Variants in CADM4 observed in about 807,000 individuals in gnomAD.
The protein encoded by CADM4 is cell adhesion molecule 4, also known as TSLC1-like 2.
In CADM4, 13 loss-of-function variants were observed where a neutral mutation model predicts 43.9. The observed-to-expected ratio is 0.30, with a 90% confidence interval of 0.19 to 0.47. CADM4 has a LOEUF of 0.47. Ranked by LOEUF, CADM4 falls within the 20% of genes least tolerant of loss-of-function variation. CADM4 has a pLI of 1.00. For missense variants in CADM4, 420 were observed against 527.0 expected (o/e 0.80, Z 1.99); for synonymous variants, 209 against 220.9 (o/e 0.95, Z 0.48).
upstream of CADM4, among the ~76,000 whole-genome samples, chr19:43,640,419 A>G (rs544479092): frequency 3.3e-5 from 5 of 150,244 alleles, no homozygotes; most frequent in African/African-American, 1.2e-4. Flanking sequence ...CTGCAGCTGG[A>G]GGTCCGGAGG....
chr19:43,623,885 G>A lies in CADM4; in HGVS notation c.1057+229C>T, dbSNP rs1223092527. ...CAACGTGCTGGGATTACAGGCGTGA[G>A]CCACCGCGCCCAACCGCAAATCTAT... On this transcript the variant is annotated intron_variant, in intron 8 of 8. Transcript: ENST00000222374. The surrounding 1 kb of genome is among the most constrained non-coding windows in gnomAD (Gnocchi z 4.4). 2.0e-5 allele frequency among the ~76,000 whole-genome samples: 3 copies of A among 152,178 alleles called. No individual in the cohort carries two copies. The highest frequency in any genetic ancestry group is 7.2e-5 in the African/African-American group (3 of 41,442).
At position 43,639,843 on chromosome 19, in the gene CADM4, C is replaced by A. The variant is rs1973752788; in HGVS notation, c.-53G>T. 1 of 977,814 alleles carries A rather than the reference C, an allele frequency of 1.0e-6. No individual in the cohort carries two copies. Among genetic ancestry groups the A allele is most frequent in the Admixed American group, 6.4e-5 (1 of 15,628 alleles). The allele number at this position is 977,814 out of a possible 1,614,324, so 60.6% of individuals were successfully genotyped here. ...CGCTCCCGGCCCGGCACCTGCACCG[C>A]CCGCGCCGCCCGCCCCGCCCCCCGC... On this transcript the variant is annotated 5_prime_UTR_variant, in exon 1 of 9. Transcript: ENST00000222374.
intron 1 of CADM4, among the ~76,000 whole-genome samples, chr19:43,628,153 C>G (rs561084332): frequency 6.6e-6 from 1 of 151,844 alleles, no homozygotes; most frequent in East Asian, 1.9e-4. Context: ...AGGCTGAGCG[C>G]GGTGGCTCAT....
chr19:43,627,726 G>A lies in CADM4; in HGVS notation c.129C>T (p.Thr43=), dbSNP rs756845274. Residue 43 remains threonine, a synonymous_variant, in exon 2 of 9, where the codon ACC becomes ACT. Transcript: ENST00000222374. This position sits in a 1 kb window ranked among gnomAD's most constrained non-coding sequence, Gnocchi z 4.0. ...TVAEGGVAEI[T]CRLHQYDGSI... ...ACCCATCATACTGGTGCAGACGGCA[G>A]GTGATCTCAGCCACCCCACCCTCAG... The A allele has an allele frequency of 1.6e-5, 26 of 1,614,000 alleles. No homozygotes were observed. The highest frequency in any genetic ancestry group is 4.5e-5 in the East Asian group (2 of 44,894).
intron 1 of CADM4, among the ~76,000 whole-genome samples, chr19:43,639,138 G>A (rs1973738428): frequency 6.6e-6 from 1 of 151,820 alleles, no homozygotes; most frequent in Non-Finnish European, 1.5e-5. Flanking sequence ...ACAGAGACAG[G>A]GACCAAGAAT....
In CADM4 at chr19:43,627,830, G is replaced by GT. The variant is rs1426426773; in HGVS notation, c.65-41_65-40insA. The GT allele has an allele frequency of 3.8e-6, 6 of 1,575,964 alleles. No individual in the cohort carries two copies. The South Asian group carries it at 6.7e-5, about 18-fold the overall frequency. On this transcript the variant is annotated intron_variant, in intron 1 of 8. Transcript: ENST00000222374. The surrounding 1 kb of genome is among the most constrained non-coding windows in gnomAD (Gnocchi z 4.0). ...AAAGAGACAGGATAGAAGACTTACT[G>GT]AGAGCTGCAATTCAATTTTTTCTTT... is the stretch of plus-strand genomic sequence containing the variant.
At position 43,626,083 on chromosome 19, in the gene CADM4, G is replaced by A; in HGVS notation, c.664+41C>T. 6.2e-7 allele frequency: 1 copy of A among 1,612,000 alleles called. No homozygotes were observed. Among genetic ancestry groups the A allele is most frequent in the Non-Finnish European group, 8.5e-7 (1 of 1,178,828 alleles). On this transcript the variant is annotated intron_variant, in intron 5 of 8. Coordinates refer to ENST00000222374, the MANE Select transcript of CADM4 (RefSeq NM_145296.2). The surrounding 1 kb of genome is among the most constrained non-coding windows in gnomAD (Gnocchi z 5.9). ...GGGACCCTCGCGGGTGCGGGTGGCT[G>A]GCGTTGGGATCCCTTGGGTCCTGGC...
rs1187258020 is a variant in CADM4 at position 43,626,286 on chromosome 19, C to T, written c.502G>A (p.Val168Met). ...TTGCCATTTTCCTGGCTGCTGCTCA[C>T]TCCTGCCACACCCCGGTCAGACACT... is the stretch of plus-strand genomic sequence containing the variant. Reference protein sequence around the residue: ...WYRDRKELKGVSSSQENGKVW... With the variant: ...WYRDRKELKGMSSSQENGKVW... The change falls in exon 5 of 9, where the codon GTG becomes ATG. Residue 168 changes from valine (V) to methionine (M), a missense_variant and splice_region_variant. Physicochemically the swap from Val to Met is conservative, Grantham distance 21. Transcript: ENST00000222374. The surrounding 1 kb of genome is among the most constrained non-coding windows in gnomAD (Gnocchi z 5.9). The T allele has an allele frequency of 1.2e-6, 2 of 1,610,516 alleles. No homozygotes were observed. The highest frequency in any genetic ancestry group is 1.7e-6 in the Non-Finnish European group (2 of 1,179,830).
Position 43,626,775 on chromosome 19 carries a change from C to A in CADM4, c.499+9G>T. The stretch of plus-strand genomic sequence containing the variant: ...TCCCCATCCCTTGTCAGCACTCGGC[C>A]CAGGGTACCTTTCAGCTCCTTGCGG... On this transcript the variant is annotated intron_variant, in intron 4 of 8. Coordinates refer to ENST00000222374, the MANE Select transcript of CADM4 (RefSeq NM_145296.2). This position sits in a 1 kb window ranked among gnomAD's most constrained non-coding sequence, Gnocchi z 5.9. The A allele has an allele frequency of 6.4e-7, 1 of 1,573,146 alleles. No individual in the cohort carries two copies. The highest frequency in any genetic ancestry group is 8.6e-7 in the Non-Finnish European group (1 of 1,156,260).
intron 1 of CADM4, among the ~76,000 whole-genome samples, chr19:43,631,997 C>T (rs1365924077): frequency 6.6e-6 from 1 of 152,154 alleles, no homozygotes; most frequent in Non-Finnish European, 1.5e-5. Flanking sequence ...GCCTCAGCTT[C>T]ATGAGTAGCT....
chr19:43,625,073 C>T lies in CADM4; in HGVS notation c.928+5G>A. On this transcript the variant is annotated splice_donor_5th_base_variant and intron_variant, in intron 7 of 8. Coordinates refer to ENST00000222374, the MANE Select transcript of CADM4 (RefSeq NM_145296.2). The surrounding 1 kb of genome is among the most constrained non-coding windows in gnomAD (Gnocchi z 4.5). Reference sequence around the variant, plus strand: ...CGCCCTCAGTCGGCCGCAGCCTGCTCTCACCGTAGACCACAAGTACGTAGA... The same window carrying T: ...CGCCCTCAGTCGGCCGCAGCCTGCTTTCACCGTAGACCACAAGTACGTAGA... The T allele has an allele frequency of 6.3e-7, 1 of 1,582,838 alleles. No homozygotes were observed. The highest frequency in any genetic ancestry group is 1.1e-5 in the South Asian group (1 of 88,594).
Position 43,636,529 on chromosome 19 carries a change from G to A in CADM4, c.64+3198C>T, listed in dbSNP as rs750068793. 7.9e-5 allele frequency among the ~76,000 whole-genome samples: 12 copies of A among 152,266 alleles called. No individual in the cohort carries two copies. The South Asian group carries it at 1.2e-3, about 16-fold the overall frequency. On this transcript the variant is annotated intron_variant, in intron 1 of 8. Transcript: ENST00000222374. Reference sequence around the variant, plus strand: ...CTATGGGCCTGGGGTCTGCACAGGCGGAAATCAGTGGGTGCTTCCGTTCTG... The same window carrying A: ...CTATGGGCCTGGGGTCTGCACAGGCAGAAATCAGTGGGTGCTTCCGTTCTG...
chr19:43,639,780 G>A lies in CADM4; in HGVS notation c.11C>T (p.Ala4Val), dbSNP rs1973750543. 1 of 1,016,910 alleles carries A rather than the reference G, an allele frequency of 9.8e-7. No homozygotes were observed. The highest frequency in any genetic ancestry group is 3.6e-5 in the South Asian group (1 of 27,654). The allele number at this position is 1,016,910 out of a possible 1,614,324, so 63.0% of individuals were successfully genotyped here. ...CAGCAGCGGCCACTGGAAGCGCCGG[G>A]CCCGGCCCATGGTGCCGCCGCCGCC... The part of the protein sequence containing the change: MGR[A>V]RRFQWPLLLL... The change falls in exon 1 of 9, where the codon GCC (alanine) becomes GTC (valine). Residue 4 changes from alanine (A) to valine (V), a missense_variant. Physicochemically the swap from Ala to Val is moderately conservative, Grantham distance 64. Transcript: ENST00000222374.
chr19:43,626,380 G>C lies in CADM4; in HGVS notation c.500-92C>G, dbSNP rs1973528605. ...AACGCCAAAGCAGGCTATTTGCCAA[G>C]CTCCACCCCTTACCCACAGGCCCCG... is the stretch of plus-strand genomic sequence containing the variant. On this transcript the variant is annotated intron_variant, in intron 4 of 8. Transcript: ENST00000222374. The surrounding 1 kb of genome is among the most constrained non-coding windows in gnomAD (Gnocchi z 5.9). The C allele has an allele frequency of 6.7e-7, 1 of 1,481,962 alleles. No homozygotes were observed. The highest frequency in any genetic ancestry group is 2.3e-5 in the East Asian group (1 of 42,714). 91.8% of individuals were successfully genotyped at this position (1,481,962 alleles called of 1,614,324 possible). A position where few individuals can be genotyped will look rare whatever the true frequency, so the allele number is the denominator to read the frequency against.
chr19:43,626,964 G>A lies in CADM4; in HGVS notation c.365-46C>T. 9.1e-6 allele frequency: 14 copies of A among 1,534,422 alleles called. No homozygotes were observed. Among genetic ancestry groups the A allele is most frequent in the Non-Finnish European group, 1.2e-5 (14 of 1,138,830 alleles). On this transcript the variant is annotated intron_variant, in intron 3 of 8. Transcript: ENST00000222374. The surrounding 1 kb of genome is among the most constrained non-coding windows in gnomAD (Gnocchi z 5.9). ...GTAAGGGGTTAAAGAAGGCACGAAC[G>A]TGGGCTCAAAGCGATCGAGCTGCCT...
At position 43,623,370 on chromosome 19, in the gene CADM4, C is replaced by T; in HGVS notation, c.1127G>A (p.Gly376Asp). ...CTCTTTCCTCTTGTGTCCGTCGCTG[C>T]CATTGAGGAAGGCTTCTCTTGCTTC... is the stretch of plus-strand genomic sequence containing the variant. ...QGEAREAFLN[G>D]SDGHKRKEEF... Residue 376 changes from glycine to aspartate, a missense_variant, in exon 9 of 9, where the codon GGC (glycine) becomes GAC (aspartate). Physicochemically the swap from Gly to Asp is moderately conservative, Grantham distance 94. Transcript: ENST00000222374. This position sits in a 1 kb window ranked among gnomAD's most constrained non-coding sequence, Gnocchi z 4.4. 1.9e-6 allele frequency: 3 copies of T among 1,614,146 alleles called. No individual in the cohort carries two copies. The highest frequency in any genetic ancestry group is 2.2e-5 in the East Asian group (1 of 44,872).
chr19:43,625,317 A>G lies in CADM4; in HGVS notation c.756-67T>C. On this transcript the variant is annotated intron_variant, in intron 6 of 8. Coordinates refer to ENST00000222374, the MANE Select transcript of CADM4 (RefSeq NM_145296.2). This position sits in a 1 kb window ranked among gnomAD's most constrained non-coding sequence, Gnocchi z 4.5. ...GCCAGCACCCAATTCTGACTTGTCA[A>G]GAATCTAGACATGCAACTCTCATCC... 1 of 1,501,766 alleles carries G rather than the reference A, an allele frequency of 6.7e-7. No individual in the cohort carries two copies. Among genetic ancestry groups the G allele is most frequent in the Non-Finnish European group, 9.0e-7 (1 of 1,105,842 alleles). 93.0% of individuals were successfully genotyped at this position (1,501,766 alleles called of 1,614,324 possible).
In CADM4 at chr19:43,625,584, T is replaced by TAAC. The variant is rs1973511178; in HGVS notation, c.755+326_755+327insGTT. 1.3e-5 allele frequency among the ~76,000 whole-genome samples: 2 copies of TAAC among 151,320 alleles called. No individual in the cohort carries two copies. Among genetic ancestry groups the TAAC allele is most frequent in the African/African-American group, 4.9e-5 (2 of 41,102 alleles). ...CCCCGTCACTACAATTAAAAAATAA[T>TAAC]AATAATAATAATAATAATTCTAGCC... On this transcript the variant is annotated intron_variant, in intron 6 of 8. Transcript: ENST00000222374. The surrounding 1 kb of genome is among the most constrained non-coding windows in gnomAD (Gnocchi z 4.5).
chr19:43,639,845 C>T lies in CADM4; in HGVS notation c.-55G>A, dbSNP rs1445277222. The T allele has an allele frequency of 1.3e-5, 13 of 977,826 alleles. No individual in the cohort carries two copies. Among genetic ancestry groups the T allele is most frequent in the African/African-American group, 3.6e-5 (2 of 56,060 alleles). The allele number at this position is 977,826 out of a possible 1,614,324, so 60.6% of individuals were successfully genotyped here. On this transcript the variant is annotated 5_prime_UTR_variant, in exon 1 of 9. Transcript: ENST00000222374. The stretch of plus-strand genomic sequence containing the variant: ...CTCCCGGCCCGGCACCTGCACCGCC[C>T]GCGCCGCCCGCCCCGCCCCCCGCGC...
Sources: allele counts gnomAD v4.1 joint callset (sites outside exome capture counted in the v4.1 genomes callset), GRCh38; gene constraint gnomAD v4.1.1; non-coding constraint Gnocchi (gnomAD v3.1); transcripts MANE v1.5; gene names NCBI Gene and HGNC (gene_info 2026-07-23, HGNC 2026-07-21).